Variants in CCSER2 observed in about 807,000 individuals in gnomAD.
The protein encoded by CCSER2 is coiled-coil serine rich protein 2, also known as serine-rich coiled-coil domain-containing protein 2.
A neutral mutation model predicts 92.3 loss-of-function variants in CCSER2; 46 were observed. That is an observed-to-expected ratio of 0.50 (90% CI 0.39 to 0.64). The LOEUF (loss-of-function observed/expected upper bound fraction) is 0.64, where lower values mean the gene tolerates loss of function less well. Ranked by LOEUF, CCSER2 falls within the 30% of genes least tolerant of loss-of-function variation. The pLI is 0.00. For synonymous variants in CCSER2, 433 were observed against 431.4 expected, an observed-to-expected ratio of 1.00 and a Z score of -0.04; for missense variants, 1,244 against 1,238.9, an observed-to-expected ratio of 1.00 and a Z score of -0.06.
At chr10:84,503,488 C>T (rs1848880057) in intron 9 of CCSER2, among the ~76,000 whole-genome samples, 1 of 152,084 alleles carries the variant, frequency 6.6e-6, no homozygotes, top group Admixed American at 6.5e-5. Flanking sequence ...TAATTTCCAA[C>T]TGTGTAAAAT....
At chr10:84,387,175 T>G (rs557174909) in intron 3 of CCSER2, among the ~76,000 whole-genome samples, 1 of 152,338 alleles carries the variant, frequency 6.6e-6, no homozygotes, top group Non-Finnish European at 1.5e-5. Flanking sequence ...ATTATTTATA[T>G]TTTTCTTAAT....
intron 7 of CCSER2, among the ~76,000 whole-genome samples, chr10:84,465,615 C>T (rs183820589): frequency 2.0e-5 from 3 of 151,888 alleles, no homozygotes; most frequent in East Asian, 1.9e-4. Flanking sequence ...CATGAGCCAT[C>T]GCACCCGGAC....
At chr10:84,409,738 AT>A (rs1229308239) in intron 3 of CCSER2, among the ~76,000 whole-genome samples, 1 of 152,142 alleles carries the variant, frequency 6.6e-6, no homozygotes, top group African/African-American at 2.4e-5. Flanking sequence ...TAATGTCAAC[AT>A]TTATCAGTTT....
chr10:84,456,297 T>C (rs1261727734), intron 6 of CCSER2, among the ~76,000 whole-genome samples: 1 of 152,226 alleles, frequency 6.6e-6, no homozygotes, highest in African/African-American at 2.4e-5. Context: ...GAAAAGATTA[T>C]CATATAAATG....
chr10:84,513,317 A>G, intron 9 of CCSER2, 132 bp from the exon 10 acceptor site: 1 of 699,724 alleles, frequency 1.4e-6, no homozygotes. Context: ...TTCATTTTTT[A>G]ATTAAAAGAA....
intron 6 of CCSER2, among the ~76,000 whole-genome samples, chr10:84,445,943 G>A (rs993993403): frequency 6.6e-6 from 1 of 151,996 alleles, no homozygotes; most frequent in Non-Finnish European, 1.5e-5. Flanking sequence ...ACATATGTAT[G>A]CATTTTTATT....
At chr10:84,440,650 T>C (rs1844474434) in intron 6 of CCSER2, among the ~76,000 whole-genome samples, 1 of 152,204 alleles carries the variant, frequency 6.6e-6, no homozygotes, top group Non-Finnish European at 1.5e-5. Flanking sequence ...ATAGCATGTC[T>C]TCTTTCTTCC....
intron 3 of CCSER2, among the ~76,000 whole-genome samples, chr10:84,378,650 G>GT (rs1846471783): frequency 6.6e-6 from 1 of 152,068 alleles, no homozygotes; most frequent in Non-Finnish European, 1.5e-5. Flanking sequence ...GGCCAGGCTG[G>GT]TCTCGAACTC....
chr10:84,358,650 A>G (rs989884472), intron 1 of CCSER2, among the ~76,000 whole-genome samples: 3 of 147,664 alleles, frequency 2.0e-5, no homozygotes, highest in East Asian at 2.0e-4. Flanking sequence ...ATATATGTGT[A>G]TATATATATA....
intron 3 of CCSER2, among the ~76,000 whole-genome samples, chr10:84,376,063 A>G (rs1214191928): frequency 2.0e-5 from 3 of 151,976 alleles, no homozygotes; most frequent in Admixed American, 6.6e-5. Flanking sequence ...TTCTGCTGAC[A>G]TTGTTTTTGT....
At chr10:84,447,441 A>G (rs1844994163) in intron 6 of CCSER2, among the ~76,000 whole-genome samples, 1 of 152,206 alleles carries the variant, frequency 6.6e-6, no homozygotes, top group Non-Finnish European at 1.5e-5. Flanking sequence ...TCTAGATGCA[A>G]GTACTTTGTT....
intron 3 of CCSER2, among the ~76,000 whole-genome samples, chr10:84,413,770 G>C (rs1437153669): frequency 6.6e-6 from 1 of 152,092 alleles, no homozygotes; most frequent in Non-Finnish European, 1.5e-5. Flanking sequence ...ATTATTGTGT[G>C]GGAGTCTGCG....
At chr10:84,502,805 C>G (rs1848835317) in intron 9 of CCSER2, among the ~76,000 whole-genome samples, 1 of 152,126 alleles carries the variant, frequency 6.6e-6, no homozygotes, top group South Asian at 2.1e-4. Flanking sequence ...TATAGTAGAC[C>G]TTCTAGTATG....
Position 84,516,086 on chromosome 10 carries a change from G to T in CCSER2, c.*1819G>T, listed in dbSNP as rs912683390. On this transcript the variant is annotated 3_prime_UTR_variant, in exon 10 of 10. Coordinates refer to ENST00000372088, the MANE Select transcript of CCSER2 (RefSeq NM_001284240.2). Reference sequence around the variant, plus strand: ...CCAAAAAGTCACTCAAATTTCTAGAGATTCCTTTAAAAGATGTATGTTGAT... The same window carrying T: ...CCAAAAAGTCACTCAAATTTCTAGATATTCCTTTAAAAGATGTATGTTGAT... 3.3e-5 allele frequency: 5 copies of T among 152,194 alleles called. No homozygotes were observed. The highest frequency in any genetic ancestry group is 1.2e-4 in the African/African-American group (5 of 41,444). 9.4% of individuals were successfully genotyped at this position (152,194 alleles called of 1,614,324 possible).
intron 1 of CCSER2, among the ~76,000 whole-genome samples, chr10:84,334,963 T>G (rs1843751045): frequency 6.6e-6 from 1 of 152,160 alleles, no homozygotes; most frequent in Admixed American, 6.5e-5. Context: ...CTTCCTTCCC[T>G]TTGTTATGGT....
At chr10:84,492,007 C>T (rs923935523) in intron 9 of CCSER2, among the ~76,000 whole-genome samples, 8 of 152,218 alleles carry the variant, frequency 5.3e-5, no homozygotes, top group South Asian at 2.1e-4. Context: ...GGGCCATGTG[C>T]GGTGGCTCAT....
intron 8 of CCSER2, among the ~76,000 whole-genome samples, chr10:84,472,301 G>T (rs1846858839): frequency 6.6e-6 from 1 of 152,120 alleles, no homozygotes; most frequent in African/African-American, 2.4e-5. Flanking sequence ...GGGCATGGTA[G>T]CTCACTCCTG....
chr10:84,473,634 C>G (rs1015842095), intron 8 of CCSER2, among the ~76,000 whole-genome samples: 1 of 152,002 alleles, frequency 6.6e-6, no homozygotes, highest in African/African-American at 2.4e-5. Flanking sequence ...AGATACAAAC[C>G]ATTTGAAAAC....
chr10:84,418,984 TG>T (rs1281576882), intron 4 of CCSER2, among the ~76,000 whole-genome samples: 7 of 152,072 alleles, frequency 4.6e-5, no homozygotes, highest in African/African-American at 1.7e-4. Context: ...ATGCATATTA[TG>T]TCTCTTAAAG....
Sources: gnomAD v4.1 joint callset for allele counts (sites outside exome capture counted in the v4.1 genomes callset) on GRCh38, gnomAD v4.1.1 for gene constraint, MANE v1.5 for transcripts, NCBI Gene and HGNC (gene_info 2026-07-23, HGNC 2026-07-21) for gene names.